AK4: variants seen among roughly 807,000 people sequenced by gnomAD.
The protein encoded by AK4 is adenylate kinase 4, mitochondrial.
In AK4, 13 loss-of-function variants were observed where a neutral mutation model predicts 24.6. That is an observed-to-expected ratio of 0.53 (90% confidence interval 0.34 to 0.84). The LOEUF is 0.84. AK4 is among the 40% of genes least tolerant of loss of function. The probability of loss-of-function intolerance (pLI) is 0.01; values close to 1 mark genes in which losing one functional copy is unlikely to be tolerated. For synonymous variants in AK4, 88 were observed against 107.0 expected, an observed-to-expected ratio of 0.82 and a Z score of 1.10; for missense variants, 192 against 288.2, an observed-to-expected ratio of 0.67 and a Z score of 2.42.
At chr1:65,160,441 A>G (rs1445921546) in intron 1 of AK4, among the ~76,000 whole-genome samples, 2 of 152,104 alleles carry the variant, frequency 1.3e-5, no homozygotes, top group Non-Finnish European at 2.9e-5. Flanking sequence ...ATTTTTTCTA[A>G]TTTTAAAAAT....
chr1:65,191,159 A>G (rs1651293375), intron 2 of AK4, among the ~76,000 whole-genome samples: 1 of 152,196 alleles, frequency 6.6e-6, no homozygotes, highest in Non-Finnish European at 1.5e-5. Flanking sequence ...GGCACACAAA[A>G]TACAATTATG....
chr1:65,189,351 T>G (rs1651215026), intron 1 of AK4, among the ~76,000 whole-genome samples: 1 of 149,644 alleles, frequency 6.7e-6, no homozygotes, highest in Non-Finnish European at 1.5e-5. Context: ...CAATCTCGGC[T>G]CACTGCAACC....
At chr1:65,200,214 G>A (rs769088526) in intron 2 of AK4, among the ~76,000 whole-genome samples, 17 of 151,992 alleles carry the variant, frequency 1.1e-4, no homozygotes, top group African/African-American at 3.1e-4. Context: ...CACGGGCTCC[G>A]GTGATTCTCC....
At chr1:65,166,794 T>C (rs1280132156) in intron 1 of AK4, among the ~76,000 whole-genome samples, 1 of 152,216 alleles carries the variant, frequency 6.6e-6, no homozygotes, top group Non-Finnish European at 1.5e-5. Context: ...GTGTTGGGAT[T>C]ACAGATGTGA....
chr1:65,222,000 G>GACA, intron 3 of AK4, among the ~76,000 whole-genome samples: 1 of 152,172 alleles, frequency 6.6e-6, no homozygotes, highest in African/African-American at 2.4e-5. Flanking sequence ...GAGAAGAGAA[G>GACA]AGAAAGAGAA....
intron 3 of AK4, among the ~76,000 whole-genome samples, chr1:65,221,633 A>G (rs1652296759): frequency 6.6e-6 from 1 of 152,150 alleles, no homozygotes. Flanking sequence ...ATGATGGGGG[A>G]AAAATGGGTG....
At chr1:65,152,901 A>G (rs889185457) in intron 1 of AK4, among the ~76,000 whole-genome samples, 1 of 152,216 alleles carries the variant, frequency 6.6e-6, no homozygotes, top group Non-Finnish European at 1.5e-5. Flanking sequence ...GAAACATTGT[A>G]TTAGAGAGAC....
intron 1 of AK4, among the ~76,000 whole-genome samples, chr1:65,175,029 A>G (rs933620000): frequency 1.3e-5 from 2 of 152,184 alleles, no homozygotes; most frequent in Non-Finnish European, 2.9e-5. Flanking sequence ...AAGAATGTAT[A>G]ATATTTTCTC....
At chr1:65,209,026 C>T (rs566698545) in intron 2 of AK4, among the ~76,000 whole-genome samples, 1 of 152,156 alleles carries the variant, frequency 6.6e-6, no homozygotes, top group Admixed American at 6.5e-5. Context: ...CTGTAGATGT[C>T]ATAATTAGTG....
intron 2 of AK4, among the ~76,000 whole-genome samples, chr1:65,202,186 A>C (rs1320651404): frequency 6.6e-6 from 1 of 151,926 alleles, no homozygotes; most frequent in Non-Finnish European, 1.5e-5. Flanking sequence ...TCACAAGGTC[A>C]GGAGATTGAG....
chr1:65,172,237 T>C (rs1369337595), intron 1 of AK4, among the ~76,000 whole-genome samples: 1 of 151,384 alleles, frequency 6.6e-6, no homozygotes, highest in Non-Finnish European at 1.5e-5. Flanking sequence ...GTAGCTCTAC[T>C]GCACCAAGTT....
Position 65,184,816 on chromosome 1 carries a change from C to A in AK4, c.146-5894C>A, listed in dbSNP as rs556678044. 3.3e-5 allele frequency among the ~76,000 whole-genome samples: 5 copies of A among 152,254 alleles called. No homozygotes were observed. In the South Asian group the frequency reaches 1.0e-3, roughly 32 times the overall value. ...CATTCAGATGCGGATATATTAAGGT[C>A]ATTTTGCTTTGTCTGAGGATCTTTC... On this transcript the variant is annotated intron_variant, in intron 1 of 4. Transcript: ENST00000327299.
Position 65,215,993 on chromosome 1 carries a change from G to A in AK4, c.266-2761G>A, listed in dbSNP as rs530874515. On this transcript the variant is annotated intron_variant, in intron 2 of 4. Coordinates refer to ENST00000327299, the MANE Select transcript of AK4 (RefSeq NM_013410.4). ...GCTAGAACACAAGGCAGAGACTGTG[G>A]CTAAGCTTTCAGGTCTTAGAAGAGG... Among the ~76,000 whole-genome samples, 291 of 152,290 alleles carry A rather than the reference G, an allele frequency of 1.9e-3. 2 individuals are homozygous for A. In the South Asian group the frequency reaches 0.032, roughly 17 times the overall value.
chr1:65,215,137 T>C (rs988440680), intron 2 of AK4, among the ~76,000 whole-genome samples: 1 of 147,364 alleles, frequency 6.8e-6, no homozygotes, highest in Non-Finnish European at 1.5e-5. Context: ...TCCATCATCA[T>C]TGATTTTTTT....
At chr1:65,180,039 G>A (rs1170678098) in intron 1 of AK4, among the ~76,000 whole-genome samples, 2 of 152,196 alleles carry the variant, frequency 1.3e-5, no homozygotes, top group South Asian at 2.1e-4. Context: ...GCACAAACTT[G>A]ACTGAGGCAA....
chr1:65,208,991 T>TG (rs10711486), intron 2 of AK4, among the ~76,000 whole-genome samples: 110 of 151,782 alleles, frequency 7.2e-4, no homozygotes, highest in South Asian at 2.9e-3. Flanking sequence ...AAATATTTTG[T>TG]GGGGGGGGTC....
intron 1 of AK4, among the ~76,000 whole-genome samples, chr1:65,187,428 G>A (rs1651140408): frequency 6.6e-6 from 1 of 152,034 alleles, no homozygotes; most frequent in Admixed American, 6.6e-5. Flanking sequence ...GGGGGCGAGA[G>A]GGAGATGAGA....
chr1:65,186,234 C>A (rs1470960164), intron 1 of AK4, among the ~76,000 whole-genome samples: 1 of 152,142 alleles, frequency 6.6e-6, no homozygotes, highest in East Asian at 1.9e-4. Context: ...CTCTTGGGTT[C>A]AAACTATTCT....
At chr1:65,157,167 G>A (rs995719412) in intron 1 of AK4, among the ~76,000 whole-genome samples, 2 of 152,144 alleles carry the variant, frequency 1.3e-5, no homozygotes, top group African/African-American at 2.4e-5. Context: ...TTTGGTTAAA[G>A]TATTTGAAGA....
Sources: gnomAD v4.1 joint callset for allele counts (sites outside exome capture counted in the v4.1 genomes callset) on GRCh38, gnomAD v4.1.1 for gene constraint, MANE v1.5 for transcripts, NCBI Gene and HGNC (gene_info 2026-07-23, HGNC 2026-07-21) for gene names.